Variants in RP2 observed in about 807,000 individuals in gnomAD.
The protein encoded by RP2 is protein XRP2.
Under a neutral mutation model 20.3 loss-of-function variants are expected in RP2, and 3 were observed. The observed-to-expected ratio is 0.15, with a 90% CI of 0.07 to 0.38. RP2 has a LOEUF of 0.38. Among genes scored for constraint, RP2 ranks in the 10% least tolerant of loss-of-function variants. The pLI, the probability that RP2 is intolerant of heterozygous loss-of-function variation, is 1.00. For missense variants in RP2, 233 were observed against 268.5 expected (o/e 0.87, Z 0.92); for synonymous variants, 75 against 94.8 (o/e 0.79, Z 1.22).
At chrX:46,840,982 C>G (rs923748514) in intron 1 of RP2, among the ~76,000 whole-genome samples, 1 of 112,343 alleles carries the variant, frequency 8.9e-6, no homozygotes, top group Admixed American at 9.5e-5. Context: ...AATTTGTGCA[C>G]TTCAGGTTCC....
intron 3 of RP2, among the ~76,000 whole-genome samples, chrX:46,862,998 G>A (rs1365267657): frequency 1.8e-5 from 2 of 112,117 alleles, no homozygotes; most frequent in Non-Finnish European, 3.8e-5. Flanking sequence ...CAAGACAACT[G>A]GCTAGGTCTC....
rs139491433 is a variant in RP2, at chrX:46,837,624, G to A, written c.102+422G>A. 9.0e-3 allele frequency among the ~76,000 whole-genome samples: 1,009 copies of A among 111,803 alleles called. 3 individuals carry two copies. The highest frequency in any genetic ancestry group is 0.015 in the Non-Finnish European group (798 of 53,129). ...GTCGTCGAGTTACGTATATGGGACC[G>A]ATTCTCATCTCTTCCGGGGCTTAAT... On this transcript the variant is annotated intron_variant, in intron 1 of 4. Coordinates refer to ENST00000218340, the MANE Select transcript of RP2 (RefSeq NM_006915.3).
At chrX:46,855,753 C>T (rs1477499724) in intron 2 of RP2, among the ~76,000 whole-genome samples, 1 of 110,279 alleles carries the variant, frequency 9.1e-6, no homozygotes, top group Non-Finnish European at 1.9e-5. Context: ...AGGCGAGAGC[C>T]ACCACGCTCG....
Position 46,853,969 on chromosome X carries a change from T to C in RP2, c.596T>C (p.Val199Ala). ...LPEDAVVQDY[V>A]PIPTTEELKA... ...GAAGATGCTGTGGTTCAGGACTATGTTCCTATACCTACTACCGAAGAGCTC... is the reference window on the plus strand; with the variant it reads ...GAAGATGCTGTGGTTCAGGACTATGCTCCTATACCTACTACCGAAGAGCTC... Residue 199 changes from valine to alanine, a missense_variant, in exon 2 of 5, where the codon GTT becomes GCT. Coordinates refer to ENST00000218340, the MANE Select transcript of RP2 (RefSeq NM_006915.3). The C allele has an allele frequency of 8.3e-7, 1 of 1,211,910 alleles. No homozygotes were observed. Among genetic ancestry groups the C allele is most frequent in the South Asian group, 1.8e-5 (1 of 57,009 alleles).
intron 1 of RP2, among the ~76,000 whole-genome samples, chrX:46,837,946 C>T (rs945532174): frequency 3.6e-5 from 4 of 111,952 alleles, no homozygotes; most frequent in African/African-American, 1.3e-4. Flanking sequence ...AACGAAAAAC[C>T]TTTGAAAACC....
chrX:46,876,258 T>C (rs1925372847), intron 3 of RP2, among the ~76,000 whole-genome samples: 1 of 110,579 alleles, frequency 9.0e-6, no homozygotes, highest in Admixed American at 9.7e-5. Flanking sequence ...TAGCTGGGAC[T>C]ACAGGCCTGT....
rs147975002 is a variant in RP2, at chrX:46,880,204, C to T, written c.*435C>T. ...TTAGAGGGATTTGTTACTAGTCGAT[C>T]AATTAGAATGAACCTATGCACATTT... On this transcript the variant is annotated 3_prime_UTR_variant, in exon 5 of 5. Transcript: ENST00000218340. 495 of 113,064 alleles carry T rather than the reference C, an allele frequency of 4.4e-3. 1 individual carries two copies. Among genetic ancestry groups the T allele is most frequent in the African/African-American group, 0.015 (460 of 30,861 alleles). The allele number at this position is 113,064 out of a possible 1,213,427, so 9.3% of individuals were successfully genotyped here.
chrX:46,856,130 G>A (rs1396616710), intron 2 of RP2, among the ~76,000 whole-genome samples: 2 of 111,060 alleles, frequency 1.8e-5, no homozygotes, highest in Non-Finnish European at 3.8e-5. Flanking sequence ...ATGCAGTATG[G>A]TGATTTAAAA....
At chrX:46,877,083 G>A (rs187960125) in intron 3 of RP2, among the ~76,000 whole-genome samples, 1 of 112,359 alleles carries the variant, frequency 8.9e-6, no homozygotes, top group East Asian at 2.8e-4. Flanking sequence ...AACTTGGCTG[G>A]TAAGTAGGAG....
intron 1 of RP2, among the ~76,000 whole-genome samples, chrX:46,851,838 G>A (rs112809066): frequency 0.017 from 1,919 of 110,718 alleles, 19 homozygotes; most frequent in Non-Finnish European, 0.024. Flanking sequence ...AGGCTGAGGC[G>A]GGCAGATCAC....
intron 2 of RP2, among the ~76,000 whole-genome samples, chrX:46,857,187 A>G (rs1924976251): frequency 9.0e-6 from 1 of 111,209 alleles, no homozygotes; most frequent in Admixed American, 9.7e-5. Flanking sequence ...GAGGTTAGGA[A>G]GTCCAAAAAG....
rs1269283393 is a variant in RP2 at position 46,879,965 on chromosome X, A to G, written c.*196A>G. ...AATTCATTTTAAATTAAGTAGTTTTAATCAGCTTAAAAGCTATTTAACCCA... is the reference window on the plus strand; with the variant it reads ...AATTCATTTTAAATTAAGTAGTTTTGATCAGCTTAAAAGCTATTTAACCCA... On this transcript the variant is annotated 3_prime_UTR_variant, in exon 5 of 5. Transcript: ENST00000218340. 4 of 315,270 alleles carry G rather than the reference A, an allele frequency of 1.3e-5. No individual in the cohort carries two copies. The highest frequency in any genetic ancestry group is 9.9e-5 in the East Asian group (2 of 20,300). 26.0% of individuals were successfully genotyped at this position (315,270 alleles called of 1,213,427 possible).
At chrX:46,872,080 T>G (rs782520388) in intron 3 of RP2, among the ~76,000 whole-genome samples, 1 of 111,979 alleles carries the variant, frequency 8.9e-6, no homozygotes, top group South Asian at 3.7e-4. Flanking sequence ...GTAGCTGGGA[T>G]TACAGGCACA....
At chrX:46,854,771 A>ATT in intron 2 of RP2, among the ~76,000 whole-genome samples, 1 of 104,232 alleles carries the variant, frequency 9.6e-6, no homozygotes. Flanking sequence ...AGAAAATGCA[A>ATT]TTTTTTTTTT....
intron 1 of RP2, among the ~76,000 whole-genome samples, chrX:46,847,718 A>ATGTGTGTGTG (rs1924747296): frequency 2.8e-5 from 2 of 72,255 alleles, no homozygotes; most frequent in African/African-American, 6.8e-5. Context: ...ATACACACAT[A>ATGTGTGTGTG]TATGTGTGTG....
chrX:46,847,922 GTATATACATATATATATATA>G (rs1924785689), intron 1 of RP2, among the ~76,000 whole-genome samples: 1 of 39,846 alleles, frequency 2.5e-5, no homozygotes, highest in Non-Finnish European at 4.1e-5. Context: ...TCATATATGT[GTATATACATATATATATATA>G]TATATATATA....
chrX:46,838,299 C>A (rs1204195587), intron 1 of RP2, among the ~76,000 whole-genome samples: 1 of 112,180 alleles, frequency 8.9e-6, no homozygotes, highest in South Asian at 3.7e-4. Flanking sequence ...TTCTCAGCCC[C>A]GTCTTTCTGC....
intron 1 of RP2, among the ~76,000 whole-genome samples, chrX:46,848,384 AT>A (rs1324909281): frequency 3.4e-3 from 319 of 92,658 alleles, no homozygotes; most frequent in African/African-American, 6.5e-3. Context: ...TTTTTCTTTG[AT>A]TTTTTTTTTT....
chrX:46,877,812 C>G (rs1049524165), intron 4 of RP2, among the ~76,000 whole-genome samples: 12 of 109,703 alleles, frequency 1.1e-4, no homozygotes, highest in African/African-American at 4.0e-4. Flanking sequence ...CCAAACTAAA[C>G]TTTAATTGTT....
Sources: allele counts gnomAD v4.1 joint callset (sites outside exome capture counted in the v4.1 genomes callset), GRCh38; gene constraint gnomAD v4.1.1; transcripts MANE v1.5; gene names NCBI Gene and HGNC (gene_info 2026-07-23, HGNC 2026-07-21).